Variants in PRKN observed in about 807,000 individuals in gnomAD.
PRKN encodes E3 ubiquitin-protein ligase parkin.
In PRKN, 56 loss-of-function variants were observed where a neutral mutation model predicts 59.5. The observed-to-expected ratio is 0.94, with a 90% CI of 0.76 to 1.18. PRKN has a LOEUF of 1.18. Ranked by LOEUF, PRKN falls within the 50% of genes most tolerant of loss-of-function variation. PRKN has a pLI of 0.00. For synonymous variants in PRKN, 250 were observed against 222.1 expected, an observed-to-expected ratio of 1.13 and a Z score of -1.12; for missense variants, 657 against 596.4, an observed-to-expected ratio of 1.10 and a Z score of -1.06.
Position 161,945,205 on chromosome 6 carries a change from T to G in PRKN, c.734+28097A>C, listed in dbSNP as rs560436930. On this transcript the variant is annotated intron_variant, in intron 6 of 11. Transcript: ENST00000366898. ...TTTTCAAAATAAGCATCAGAAATAATGGGCCCCCTATTGCTCACATGCAGA... is the reference window on the plus strand; with the variant it reads ...TTTTCAAAATAAGCATCAGAAATAAGGGGCCCCCTATTGCTCACATGCAGA... 2.0e-5 allele frequency among the ~76,000 whole-genome samples: 3 copies of G among 152,208 alleles called. No individual in the cohort carries two copies. In the East Asian group the frequency reaches 5.8e-4, roughly 29 times the overall value.
At chr6:161,914,774 C>T (rs1323557625) in intron 6 of PRKN, among the ~76,000 whole-genome samples, 1 of 151,790 alleles carries the variant, frequency 6.6e-6, no homozygotes, top group Non-Finnish European at 1.5e-5. Flanking sequence ...ATCCCCTGAA[C>T]TGGCAAGCGA....
chr6:161,798,736 G>A (rs558894343), intron 6 of PRKN, among the ~76,000 whole-genome samples: 6 of 152,278 alleles, frequency 3.9e-5, no homozygotes, highest in African/African-American at 7.2e-5. Context: ...AAACAAAAAA[G>A]GCCACAAAAT....
chr6:162,577,166 TG>T (rs1276615463), intron 1 of PRKN, among the ~76,000 whole-genome samples: 4 of 151,968 alleles, frequency 2.6e-5, no homozygotes, highest in Non-Finnish European at 5.9e-5. Context: ...TAAAAAGCTC[TG>T]ATAAATATGA....
intron 1 of PRKN, among the ~76,000 whole-genome samples, chr6:162,489,353 C>T (rs1429813920): frequency 1.3e-5 from 2 of 152,148 alleles, no homozygotes; most frequent in Non-Finnish European, 2.9e-5. Context: ...CAGAAGAATA[C>T]TTATCTTCTA....
rs192321218 is a variant in PRKN at position 162,366,735 on chromosome 6, G to A, written c.171+76575C>T. On this transcript the variant is annotated intron_variant, in intron 2 of 11. Coordinates refer to ENST00000366898, the MANE Select transcript of PRKN (RefSeq NM_004562.3). ...AGCCTGACCAACATGGAGAAACCCC[G>A]CCTCTATAAAAAATACAAAATTAGC... Among the ~76,000 whole-genome samples, 6 of 151,966 alleles carry A rather than the reference G, an allele frequency of 3.9e-5. No homozygotes were observed. In the East Asian group the frequency reaches 7.8e-4, roughly 20 times the overall value.
intron 6 of PRKN, among the ~76,000 whole-genome samples, chr6:161,906,908 A>C (rs763058611): frequency 2.6e-5 from 4 of 151,904 alleles, no homozygotes; most frequent in Non-Finnish European, 5.9e-5. Context: ...AGTCTAGTCC[A>C]TCCACGCTCT....
chr6:162,148,977 G>A (rs768704536), intron 4 of PRKN, among the ~76,000 whole-genome samples: 10 of 152,072 alleles, frequency 6.6e-5, no homozygotes, highest in South Asian at 2.1e-4. Context: ...GGGTACTTAC[G>A]GGACAAACAG....
At chr6:162,599,383 G>C (rs969220933) in intron 1 of PRKN, among the ~76,000 whole-genome samples, 8 of 152,072 alleles carry the variant, frequency 5.3e-5, no homozygotes, top group Non-Finnish European at 1.0e-4. Flanking sequence ...AAGCAGGACA[G>C]GTTGAATTTG....
intron 3 of PRKN, among the ~76,000 whole-genome samples, chr6:162,232,994 G>T (rs1030672831): frequency 6.6e-6 from 1 of 152,064 alleles, no homozygotes; most frequent in Non-Finnish European, 1.5e-5. Context: ...ATAAAAGTGT[G>T]TTTATTTATT....
At chr6:162,561,469 G>C (rs1250363591) in intron 1 of PRKN, among the ~76,000 whole-genome samples, 1 of 152,104 alleles carries the variant, frequency 6.6e-6, no homozygotes, top group Admixed American at 6.5e-5. Context: ...AATCTACATA[G>C]GAAAAACACC....
intron 4 of PRKN, among the ~76,000 whole-genome samples, chr6:162,057,390 G>C (rs143674023): frequency 8.8e-4 from 134 of 152,322 alleles, no homozygotes; most frequent in African/African-American, 3.2e-3. Flanking sequence ...AGGCTGGAGA[G>C]AAAACAGAAA....
intron 1 of PRKN, among the ~76,000 whole-genome samples, chr6:162,627,581 T>C (rs1782945839): frequency 6.6e-6 from 1 of 152,010 alleles, no homozygotes; most frequent in Non-Finnish European, 1.5e-5. Context: ...GATTAGTTAA[T>C]AAGCAACTAT....
chr6:162,319,394 G>A (rs564873718), intron 2 of PRKN, among the ~76,000 whole-genome samples: 2 of 151,990 alleles, frequency 1.3e-5, no homozygotes, highest in East Asian at 1.9e-4. Flanking sequence ...TCTCTTCATC[G>A]TCCGTTGCTG....
In PRKN at chr6:162,622,413, G is replaced by A. The variant is rs572426178; in HGVS notation, c.7+105249C>T. Among the ~76,000 whole-genome samples the A allele has an allele frequency of 7.9e-5, 12 of 151,636 alleles. No homozygotes were observed. The East Asian group carries it at 2.0e-3, about 25-fold the overall frequency. On this transcript the variant is annotated intron_variant, in intron 1 of 11. Transcript: ENST00000366898. Reference sequence around the variant, plus strand: ...TGGCCAGGTTGGTCTCCAACACCTCGCCTCAGGTCATCTGCCCACCTTGGC... The same window carrying A: ...TGGCCAGGTTGGTCTCCAACACCTCACCTCAGGTCATCTGCCCACCTTGGC...
intron 1 of PRKN, among the ~76,000 whole-genome samples, chr6:162,457,061 C>T (rs1790910490): frequency 6.6e-6 from 1 of 152,192 alleles, no homozygotes; most frequent in African/African-American, 2.4e-5. Flanking sequence ...TCAACCTCAA[C>T]TGAGAACATG....
chr6:162,144,931 A>G (rs146769058), intron 4 of PRKN, among the ~76,000 whole-genome samples: 75 of 152,304 alleles, frequency 4.9e-4, no homozygotes, highest in African/African-American at 1.7e-3. Context: ...TGAGGAGCAT[A>G]GCACCAACTC....
At chr6:161,712,087 C>T (rs577252353) in intron 7 of PRKN, among the ~76,000 whole-genome samples, 5 of 152,262 alleles carry the variant, frequency 3.3e-5, no homozygotes, top group African/African-American at 1.2e-4. Flanking sequence ...CCTATTAGTT[C>T]TGTCCCTCTA....
chr6:162,254,721 A>C (rs528338625), intron 3 of PRKN, among the ~76,000 whole-genome samples: 1 of 152,168 alleles, frequency 6.6e-6, no homozygotes, highest in East Asian at 1.9e-4. Flanking sequence ...CCTGTGACCT[A>C]TATCTGTGAC....
chr6:162,036,180 C>T (rs948589588), intron 5 of PRKN, among the ~76,000 whole-genome samples: 3 of 151,382 alleles, frequency 2.0e-5, no homozygotes, highest in South Asian at 2.1e-4. Flanking sequence ...AAAAATTAGC[C>T]GGGCGTGGTG....
Sources: allele counts gnomAD v4.1 joint callset (sites outside exome capture counted in the v4.1 genomes callset), GRCh38; gene constraint gnomAD v4.1.1; transcripts MANE v1.5; gene names NCBI Gene and HGNC (gene_info 2026-07-23, HGNC 2026-07-21).